The following FAM13A variants were observed in gnomAD, a reference collection of about 807,000 sequenced individuals.
FAM13A encodes the protein family with sequence similarity 13 member A.
FAM13A carries 76 observed loss-of-function variants against 129.6 expected under a neutral mutation model. That is an observed-to-expected ratio of 0.59 (90% CI 0.49 to 0.71). The LOEUF (loss-of-function observed/expected upper bound fraction) is 0.71, where lower values mean the gene tolerates loss of function less well. Ranked by LOEUF, FAM13A falls within the 30% of genes least tolerant of loss-of-function variation. The pLI, the probability that FAM13A is intolerant of heterozygous loss-of-function variation, is 0.00. For synonymous variants in FAM13A, 443 were observed against 449.9 expected (o/e 0.98, Z 0.20); for missense variants, 1,108 against 1,249.3 (o/e 0.89, Z 1.70).
rs1428864798 is a variant in FAM13A at position 88,732,147 on chromosome 4, C to T, written c.2698G>A (p.Val900Ile). ...DDSNVKPDFM[V>I]TLKTDFSARC... Reference sequence around the variant, plus strand: ...GCACTGAAATCGGTTTTCAGAGTGACCATGAAGTCTGGCTTCACATTGCTA... The same window carrying T: ...GCACTGAAATCGGTTTTCAGAGTGATCATGAAGTCTGGCTTCACATTGCTA... Residue 900 changes from valine (V) to isoleucine (I), a missense_variant, in exon 22 of 24, where the codon GTC (valine) becomes ATC (isoleucine). Val to Ile is a conservative substitution (Grantham distance 29). Around this residue, in one of 3 missense-constraint regions of FAM13A, gnomAD observed 529 missense variants for 621.2 expected, o/e 0.85. Transcript: ENST00000264344. 15 of 1,613,336 alleles carry T rather than the reference C, an allele frequency of 9.3e-6. No individual in the cohort carries two copies. Among genetic ancestry groups the T allele is most frequent in the African/African-American group, 1.3e-5 (1 of 74,884 alleles).
At chr4:88,782,458 A>G (rs1289217066) in intron 10 of FAM13A, among the ~76,000 whole-genome samples, 1 of 152,174 alleles carries the variant, frequency 6.6e-6, no homozygotes, top group Non-Finnish European at 1.5e-5. Flanking sequence ...AAATAAATGA[A>G]TTCTAAAGAG....
intron 4 of FAM13A, among the ~76,000 whole-genome samples, chr4:88,986,767 G>T (rs759396715): frequency 6.6e-6 from 1 of 152,182 alleles, no homozygotes; most frequent in Non-Finnish European, 1.5e-5. Flanking sequence ...GATTTTCACT[G>T]TCAGAGTATA....
At chr4:88,746,583 C>T (rs1741385807) in intron 19 of FAM13A, among the ~76,000 whole-genome samples, 1 of 152,176 alleles carries the variant, frequency 6.6e-6, no homozygotes, top group Admixed American at 6.5e-5. Context: ...GACCTAGGGA[C>T]AGGGAAGTCT....
chr4:88,781,927 A>G (rs1211704544), intron 10 of FAM13A, among the ~76,000 whole-genome samples: 3 of 151,662 alleles, frequency 2.0e-5, no homozygotes, highest in Admixed American at 6.6e-5. Flanking sequence ...CCAACATGGC[A>G]CATGTATACA....
intron 4 of FAM13A, among the ~76,000 whole-genome samples, chr4:88,951,248 T>C (rs1756904717): frequency 6.6e-6 from 1 of 152,192 alleles, no homozygotes; most frequent in Admixed American, 6.5e-5. Context: ...GATGATGGGA[T>C]GGGGCGAGTG....
chr4:88,829,735 A>G (rs1733572070), intron 7 of FAM13A, among the ~76,000 whole-genome samples: 1 of 152,212 alleles, frequency 6.6e-6, no homozygotes, highest in Non-Finnish European at 1.5e-5. Flanking sequence ...AAGGGAGAAG[A>G]AACCAGAGGA....
At chr4:89,026,413 C>T (rs560306180) in intron 2 of FAM13A, among the ~76,000 whole-genome samples, 70 of 152,206 alleles carry the variant, frequency 4.6e-4, no homozygotes, top group Middle Eastern at 3.4e-3. Flanking sequence ...AAAAATTCTA[C>T]GGAGTAAGAA....
At position 88,787,829 on chromosome 4, in the gene FAM13A, C is replaced by G; in HGVS notation, c.1195G>C (p.Ala399Pro). 6.2e-7 allele frequency: 1 copy of G among 1,613,690 alleles called. No homozygotes were observed. Among genetic ancestry groups the G allele is most frequent in the East Asian group, 2.2e-5 (1 of 44,862 alleles). Residue 399 changes from alanine to proline, a missense_variant, in exon 10 of 24, where the codon GCA becomes CCA. Physicochemically the swap from Ala to Pro is conservative, Grantham distance 27. Transcript: ENST00000264344. The stretch of plus-strand genomic sequence containing the variant: ...TGTCTGGCAGATGTGGCAGAAGATG[C>G]TGATAGTGTTCCAGATTCTGAGTCC... ...SEDSESGTLSASSATSARQRR... is the reference protein window; with the variant it reads ...SEDSESGTLSPSSATSARQRR...
chr4:88,850,310 T>C (rs1364279969), intron 7 of FAM13A, among the ~76,000 whole-genome samples: 1 of 151,906 alleles, frequency 6.6e-6, no homozygotes, highest in Non-Finnish European at 1.5e-5. Context: ...ATCCCAGCAC[T>C]TTGGGAGGCC....
chr4:89,049,838 C>T (rs1225631055), intron 1 of FAM13A, among the ~76,000 whole-genome samples: 1 of 152,142 alleles, frequency 6.6e-6, no homozygotes, highest in East Asian at 1.9e-4. Flanking sequence ...AAATGTTTTA[C>T]AGTCATGTCC....
intron 5 of FAM13A, among the ~76,000 whole-genome samples, chr4:88,925,373 C>A (rs1340794152): frequency 6.6e-6 from 1 of 152,094 alleles, no homozygotes; most frequent in Non-Finnish European, 1.5e-5. Context: ...TACTATGCAG[C>A]CATAAAAAAT....
chr4:88,808,297 T>C (rs991807256), intron 7 of FAM13A, among the ~76,000 whole-genome samples: 2 of 152,126 alleles, frequency 1.3e-5, no homozygotes, highest in South Asian at 4.1e-4. Context: ...CACGGACAAT[T>C]CTTCCAAATA....
At chr4:88,777,263 G>A (rs1721938585) in intron 11 of FAM13A, among the ~76,000 whole-genome samples, 1 of 152,142 alleles carries the variant, frequency 6.6e-6, no homozygotes, top group Non-Finnish European at 1.5e-5. Flanking sequence ...TCACCTTAGA[G>A]GTTAGTTTTA....
Position 88,921,531 on chromosome 4 carries a change from T to C in FAM13A, c.760-15069A>G, listed in dbSNP as rs1257621318. ...GATTTTGTCACCACCAGGCCTACCA[T>C]AAAAGAGCTCCTGAAGGAAGCACTA... On this transcript the variant is annotated intron_variant, in intron 5 of 23. Coordinates refer to ENST00000264344, the MANE Select transcript of FAM13A (RefSeq NM_014883.4). Among the ~76,000 whole-genome samples the C allele has an allele frequency of 3.3e-5, 5 of 152,044 alleles. No homozygotes were observed. In the East Asian group the frequency reaches 9.6e-4, roughly 29 times the overall value.
Position 88,758,747 on chromosome 4 carries a change from A to G in FAM13A, c.1726+7T>C. 6.2e-7 allele frequency: 1 copy of G among 1,610,318 alleles called. No homozygotes were observed. The highest frequency in any genetic ancestry group is 8.5e-7 in the Non-Finnish European group (1 of 1,177,890). ...TAGCAAATCATCCAAGTATCAGACA[A>G]CCCTACCTTCCCAGTTCTTTTCATC... On this transcript the variant is annotated splice_region_variant and intron_variant, in intron 14 of 23. Transcript: ENST00000264344.
At chr4:88,856,492 C>T (rs970127181) in intron 6 of FAM13A, among the ~76,000 whole-genome samples, 1 of 151,920 alleles carries the variant, frequency 6.6e-6, no homozygotes, top group East Asian at 1.9e-4. Flanking sequence ...TCAACATCCC[C>T]ACCTCCAAAA....
chr4:88,895,273 A>G (rs1401140333), intron 6 of FAM13A, among the ~76,000 whole-genome samples: 2 of 152,178 alleles, frequency 1.3e-5, no homozygotes, highest in Non-Finnish European at 2.9e-5. Flanking sequence ...AAAAAGCAGA[A>G]TACTAATTAT....
chr4:88,757,351 A>T (rs1307549745), intron 14 of FAM13A, among the ~76,000 whole-genome samples: 4 of 152,214 alleles, frequency 2.6e-5, no homozygotes, highest in South Asian at 2.1e-4. Flanking sequence ...AGGGTAGACC[A>T]TATCACTAAG....
intron 6 of FAM13A, among the ~76,000 whole-genome samples, chr4:88,884,416 T>C (rs925837500): frequency 6.6e-6 from 1 of 152,112 alleles, no homozygotes; most frequent in African/African-American, 2.4e-5. Context: ...ATCAGCTCAA[T>C]AGAGGCACAA....
Sources: allele counts gnomAD v4.1 joint callset (sites outside exome capture counted in the v4.1 genomes callset), GRCh38; gene constraint gnomAD v4.1.1; regional missense constraint gnomAD v4.1.1; transcripts MANE v1.5; gene names NCBI Gene and HGNC (gene_info 2026-07-23, HGNC 2026-07-21).